Variants in GRM5 observed in about 807,000 individuals in gnomAD.
GRM5 encodes metabotropic glutamate receptor 5.
Under a neutral mutation model 83.1 loss-of-function variants are expected in GRM5, and 19 were observed. The observed-to-expected ratio is 0.23, with a 90% CI of 0.16 to 0.34. The LOEUF is 0.34. Among genes scored for constraint, GRM5 ranks in the 10% least tolerant of loss-of-function variants. The pLI is 1.00. For synonymous variants in GRM5, 675 were observed against 633.6 expected (o/e 1.07, Z -0.98); for missense variants, 1,160 against 1,588.3 (o/e 0.73, Z 4.58).
chr11:89,057,559 TAAAC>T (rs1941905184), intron 1 of GRM5, among the ~76,000 whole-genome samples: 1 of 152,204 alleles, frequency 6.6e-6, no homozygotes, highest in Non-Finnish European at 1.5e-5. Context: ...GTAAATCATT[TAAAC>T]AAGTGGTTTA....
At chr11:88,887,949 G>A (rs1426712819) in intron 2 of GRM5, among the ~76,000 whole-genome samples, 1 of 152,104 alleles carries the variant, frequency 6.6e-6, no homozygotes, top group South Asian at 2.1e-4. Context: ...GCAACTTCCA[G>A]GGGAACCACC....
chr11:88,754,272 G>A (rs1942349574), intron 3 of GRM5, among the ~76,000 whole-genome samples: 1 of 151,984 alleles, frequency 6.6e-6, no homozygotes, highest in Non-Finnish European at 1.5e-5. Flanking sequence ...ACACACACTG[G>A]GTCCTGTCAG....
At chr11:88,618,882 A>G (rs1489937449) in intron 4 of GRM5, among the ~76,000 whole-genome samples, 1 of 152,198 alleles carries the variant, frequency 6.6e-6, no homozygotes, top group Non-Finnish European at 1.5e-5. Context: ...TAACCTAGCC[A>G]TGAGGTTCTG....
chr11:88,755,650 T>G (rs1942380760), intron 3 of GRM5, among the ~76,000 whole-genome samples: 1 of 152,152 alleles, frequency 6.6e-6, no homozygotes, highest in African/African-American at 2.4e-5. Flanking sequence ...AGTTTTTGAG[T>G]TAGAGACACA....
intron 2 of GRM5, among the ~76,000 whole-genome samples, chr11:88,870,242 A>G (rs1944740120): frequency 6.6e-6 from 1 of 151,602 alleles, no homozygotes; most frequent in Admixed American, 6.6e-5. Context: ...TAAAATAAAG[A>G]GAAGTCCCCA....
chr11:88,628,643 G>T (rs757226946), intron 4 of GRM5, among the ~76,000 whole-genome samples: 9 of 147,752 alleles, frequency 6.1e-5, no homozygotes, highest in African/African-American at 2.3e-4. Flanking sequence ...GGTGTAGATT[G>T]GCATTTACAT....
intron 7 of GRM5, among the ~76,000 whole-genome samples, chr11:88,587,583 G>A (rs1943343013): frequency 6.6e-6 from 1 of 152,026 alleles, no homozygotes; most frequent in Non-Finnish European, 1.5e-5. Flanking sequence ...CTGAAGTGTG[G>A]CACCTTGGCA....
At chr11:88,556,964 T>C (rs1389158403) in intron 8 of GRM5, among the ~76,000 whole-genome samples, 1 of 152,158 alleles carries the variant, frequency 6.6e-6, no homozygotes, top group African/African-American at 2.4e-5. Flanking sequence ...TCAAAATATG[T>C]GGCAGAAATA....
At chr11:88,614,146 T>C (rs1938405608) in intron 4 of GRM5, among the ~76,000 whole-genome samples, 2 of 152,140 alleles carry the variant, frequency 1.3e-5, no homozygotes, top group Non-Finnish European at 2.9e-5. Flanking sequence ...TGAGTCTCAT[T>C]CTTTTATTTT....
intron 3 of GRM5, among the ~76,000 whole-genome samples, chr11:88,734,905 C>T (rs1278893324): frequency 6.6e-6 from 1 of 151,920 alleles, no homozygotes; most frequent in Non-Finnish European, 1.5e-5. Context: ...TGCTAGCTGA[C>T]CAAGGAGAGA....
At chr11:88,545,403 C>A (rs308798) in intron 8 of GRM5, among the ~76,000 whole-genome samples, 2,468 of 152,066 alleles carry the variant, frequency 0.016, 72 homozygotes, top group African/African-American at 0.056. Context: ...ACCTTACCCA[C>A]CCCAATCCAA....
intron 4 of GRM5, among the ~76,000 whole-genome samples, chr11:88,606,289 G>A (rs1476001208): frequency 3.9e-5 from 6 of 152,204 alleles, no homozygotes; most frequent in Non-Finnish European, 5.9e-5. Context: ...TTAGGAGGCT[G>A]AGGCGAGTGG....
intron 2 of GRM5, among the ~76,000 whole-genome samples, chr11:88,908,117 T>C (rs892643383): frequency 6.6e-5 from 10 of 152,162 alleles, no homozygotes; most frequent in Admixed American, 2.6e-4. Context: ...ATATTTCTTA[T>C]CTATACTTAT....
intron 8 of GRM5, among the ~76,000 whole-genome samples, chr11:88,533,718 T>C (rs939089363): frequency 9.9e-5 from 15 of 152,008 alleles, no homozygotes; most frequent in African/African-American, 3.6e-4. Context: ...TTCCAGGAAA[T>C]TTGCATAAGT....
chr11:89,031,504 A>T (rs1182222707), intron 2 of GRM5, among the ~76,000 whole-genome samples: 1 of 151,964 alleles, frequency 6.6e-6, no homozygotes, highest in Admixed American at 6.6e-5. Flanking sequence ...GAGAAAAGAC[A>T]GGATATTATA....
At chr11:88,885,180 G>A (rs980584835) in intron 2 of GRM5, among the ~76,000 whole-genome samples, 1 of 151,650 alleles carries the variant, frequency 6.6e-6, no homozygotes, top group African/African-American at 2.4e-5. Context: ...GTTTAAATCA[G>A]TTTAAATATA....
chr11:88,531,907 G>C (rs1242640119), intron 8 of GRM5, among the ~76,000 whole-genome samples: 1 of 152,026 alleles, frequency 6.6e-6, no homozygotes, highest in Non-Finnish European at 1.5e-5. Flanking sequence ...GCTAAGCCTT[G>C]TGAGCACTTA....
chr11:88,999,786 C>A (rs1278466198), intron 2 of GRM5, among the ~76,000 whole-genome samples: 2 of 152,244 alleles, frequency 1.3e-5, no homozygotes, highest in African/African-American at 4.8e-5. Flanking sequence ...GACACATGCA[C>A]ATGTATGTTT....
At chr11:88,876,431 T>G (rs1055482499) in intron 2 of GRM5, among the ~76,000 whole-genome samples, 1 of 152,118 alleles carries the variant, frequency 6.6e-6, no homozygotes, top group African/African-American at 2.4e-5. Flanking sequence ...GTATCTGCAA[T>G]AAGGCTATAT....
Sources: gnomAD v4.1 joint callset for allele counts (sites outside exome capture counted in the v4.1 genomes callset) on GRCh38, gnomAD v4.1.1 for gene constraint, MANE v1.5 for transcripts, NCBI Gene and HGNC (gene_info 2026-07-23, HGNC 2026-07-21) for gene names.